The following RNF111 variants were observed in gnomAD, a reference collection of about 807,000 sequenced individuals.
The protein encoded by RNF111 is E3 ubiquitin-protein ligase Arkadia.
Under a neutral mutation model 95.1 loss-of-function variants are expected in RNF111, and 17 were observed. The observed-to-expected ratio is 0.18, with a 90% CI of 0.12 to 0.27. The LOEUF is 0.27. RNF111 is among the 10% of genes least tolerant of loss of function. The probability of loss-of-function intolerance (pLI) is 1.00; values close to 1 mark genes in which losing one functional copy is unlikely to be tolerated. For missense variants in RNF111, 1,189 were observed against 1,210.4 expected, an observed-to-expected ratio of 0.98 and a Z score of 0.26; for synonymous variants, 440 against 414.8, an observed-to-expected ratio of 1.06 and a Z score of -0.74.
intron 2 of RNF111, among the ~76,000 whole-genome samples, chr15:59,044,695 G>A (rs2141893523): frequency 1.3e-5 from 2 of 151,794 alleles, no homozygotes; most frequent in Admixed American, 1.3e-4. Context: ...TTATCCTTTA[G>A]TATTTCTAAA....
rs574126871 is a variant in RNF111 at position 59,096,364 on chromosome 15, A to T, written c.*1464A>T. ...CCATGGATCATATGTGAAGATGTCA[A>T]TAAGCTTGCATTAAGCCACCTGCTT... On this transcript the variant is annotated 3_prime_UTR_variant, in exon 14 of 14. Transcript: ENST00000348370. 3.2e-6 allele frequency: 1 copy of T among 308,088 alleles called. No individual in the cohort carries two copies. Among genetic ancestry groups the T allele is most frequent in the South Asian group, 1.6e-4 (1 of 6,256 alleles). 19.1% of individuals were successfully genotyped at this position (308,088 alleles called of 1,614,324 possible).
At chr15:59,085,476 G>T in intron 9 of RNF111, 183 bp from the exon 10 acceptor site, 1 of 411,348 alleles carries the variant, frequency 2.4e-6, no homozygotes, top group Non-Finnish European at 3.9e-6. Context: ...TAAGTTTTTA[G>T]AGCTTTCAGT....
At chr15:59,092,415 A>G in intron 12 of RNF111, 122 bp from the exon 13 acceptor site, 1 of 1,038,840 alleles carries the variant, frequency 9.6e-7, no homozygotes, top group East Asian at 3.0e-5. Flanking sequence ...CTTACCTGGG[A>G]AAAAAGTGCG....
chr15:59,010,109 G>T (rs1328719997), intron 1 of RNF111, among the ~76,000 whole-genome samples: 1 of 152,076 alleles, frequency 6.6e-6, no homozygotes, highest in Non-Finnish European at 1.5e-5. Context: ...TGAAATCATG[G>T]CTAAAAACAG....
intron 1 of RNF111, among the ~76,000 whole-genome samples, chr15:59,018,684 G>C (rs2040187154): frequency 6.6e-6 from 1 of 152,114 alleles, no homozygotes; most frequent in South Asian, 2.1e-4. Flanking sequence ...ATTAATATAA[G>C]TTGTTTTACG....
intron 1 of RNF111, among the ~76,000 whole-genome samples, chr15:58,994,471 C>T (rs1208119702): frequency 1.5e-5 from 2 of 130,696 alleles, no homozygotes; most frequent in East Asian, 4.7e-4. Flanking sequence ...TATTTTCTCT[C>T]TCTTTTTTTT....
intron 8 of RNF111, chr15:59,083,894 T>G: frequency 4.0e-6 from 1 of 252,080 alleles, no homozygotes; most frequent in Non-Finnish European, 7.2e-6. Flanking sequence ...TTGGGTGATA[T>G]TTGAATTGGA....
chr15:59,035,046 G>A (rs2041105768), intron 2 of RNF111, among the ~76,000 whole-genome samples: 1 of 152,138 alleles, frequency 6.6e-6, no homozygotes, highest in Non-Finnish European at 1.5e-5. Flanking sequence ...GGTGAATGAA[G>A]AGCAAAGTCA....
rs2078730957 is a variant in RNF111, at chr15:59,081,167, C to T, written c.2180C>T (p.Thr727Ile). The T allele has an allele frequency of 6.2e-7, 1 of 1,614,212 alleles. No individual in the cohort carries two copies. The highest frequency in any genetic ancestry group is 8.5e-7 in the Non-Finnish European group (1 of 1,180,032). Residue 727 changes from threonine (T) to isoleucine (I), a missense_variant, in exon 8 of 14, where the codon ACA becomes ATA. Coordinates refer to ENST00000348370, the MANE Select transcript of RNF111 (RefSeq NM_017610.8). Reference sequence around the variant, plus strand: ...CCAATCCCTCAGCATCTTCCTCCTACACACCAGCCAATTTCGCACCATATT... The same window carrying T: ...CCAATCCCTCAGCATCTTCCTCCTATACACCAGCCAATTTCGCACCATATT... ...AAPIPQHLPP[T>I]HQPISHHIPA...
chr15:59,008,085 A>G (rs988599139), intron 1 of RNF111, among the ~76,000 whole-genome samples: 1 of 152,204 alleles, frequency 6.6e-6, no homozygotes, highest in Admixed American at 6.5e-5. Context: ...TGATATAATC[A>G]CATAAACTTT....
At chr15:59,053,672 C>T (rs1325438814) in intron 3 of RNF111, among the ~76,000 whole-genome samples, 3 of 152,070 alleles carry the variant, frequency 2.0e-5, no homozygotes, top group African/African-American at 7.2e-5. Context: ...ATCCTCTGAC[C>T]GTGCATAGTG....
chr15:59,091,536 A>G (rs1361451101), intron 12 of RNF111, among the ~76,000 whole-genome samples: 3 of 152,210 alleles, frequency 2.0e-5, no homozygotes, highest in Non-Finnish European at 4.4e-5. Flanking sequence ...ATTATTTTTA[A>G]TAGCTTATGC....
At chr15:59,010,503 G>A (rs533700681) in intron 1 of RNF111, among the ~76,000 whole-genome samples, 2 of 152,048 alleles carry the variant, frequency 1.3e-5, no homozygotes, top group Non-Finnish European at 2.9e-5. Context: ...CTAGGTTTAA[G>A]CGATTCTCCT....
intron 1 of RNF111, among the ~76,000 whole-genome samples, chr15:59,024,095 C>G (rs1232987984): frequency 1.3e-5 from 2 of 152,050 alleles, no homozygotes; most frequent in Non-Finnish European, 2.9e-5. Flanking sequence ...TGGTAAATAT[C>G]TTGTGGCTAC....
At chr15:59,087,537 G>A (rs1166186028) in intron 10 of RNF111, among the ~76,000 whole-genome samples, 2 of 152,076 alleles carry the variant, frequency 1.3e-5, no homozygotes, top group Non-Finnish European at 2.9e-5. Flanking sequence ...TTATAAGTAC[G>A]TGATAATGAT....
At chr15:59,036,985 A>G (rs1401772064) in intron 2 of RNF111, among the ~76,000 whole-genome samples, 1 of 151,354 alleles carries the variant, frequency 6.6e-6, no homozygotes, top group East Asian at 1.9e-4. Context: ...AGGTGTGTGC[A>G]ACTACAGTTG....
chr15:59,094,715 A>G (rs1596323761), intron 13 of RNF111, 68 bp from the exon 14 acceptor site: 1 of 867,062 alleles, frequency 1.2e-6, no homozygotes, highest in Non-Finnish European at 2.0e-6. Flanking sequence ...TATTACATAT[A>G]TAATTTGTTA....
chr15:59,067,824 C>T (rs114344379), intron 6 of RNF111, among the ~76,000 whole-genome samples: 2,838 of 152,238 alleles, frequency 0.019, 57 homozygotes, highest in East Asian at 0.037. Flanking sequence ...GTAGAGTTCA[C>T]TATAACCTTC....
chr15:59,068,092 T>C (rs563471229), intron 6 of RNF111, among the ~76,000 whole-genome samples: 1 of 152,274 alleles, frequency 6.6e-6, no homozygotes, highest in South Asian at 2.1e-4. Flanking sequence ...GATTATGATA[T>C]AAGTCTGCGT....
Sources: allele counts gnomAD v4.1 joint callset (sites outside exome capture counted in the v4.1 genomes callset), GRCh38; gene constraint gnomAD v4.1.1; transcripts MANE v1.5; gene names NCBI Gene and HGNC (gene_info 2026-07-23, HGNC 2026-07-21).